PRX: variants seen among roughly 807,000 people sequenced by gnomAD.
PRX encodes the protein periaxin.
PRX carries 24 observed loss-of-function variants against 29.6 expected under a neutral mutation model. The ratio of observed to expected loss-of-function variants is 0.81; its 90% CI spans 0.59 to 1.14. The LOEUF (loss-of-function observed/expected upper bound fraction) is 1.14. Ranked by LOEUF, PRX falls within the 50% of genes most tolerant of loss-of-function variation. The pLI, the probability that PRX is intolerant of heterozygous loss-of-function variation, is 0.00. For synonymous variants in PRX, 772 were observed against 831.7 expected (o/e 0.93, Z 1.24); for missense variants, 1,838 against 1,926.4 (o/e 0.95, Z 0.86).
intron 1 of PRX, among the ~76,000 whole-genome samples, chr19:40,410,906 G>A (rs745988030): frequency 1.6e-4 from 24 of 152,116 alleles, no homozygotes; most frequent in Non-Finnish European, 1.5e-4. Context: ...AAGCTCCAGC[G>A]CTTTAGCTGG....
chr19:40,403,716 G>A lies in PRX; in HGVS notation c.174C>T (p.Ser58=). The change falls in exon 5 of 7, where the codon AGC becomes AGT. Residue 58 remains serine, a synonymous_variant. Coordinates refer to ENST00000324001, the MANE Select transcript of PRX (RefSeq NM_181882.3). ...REDSPAARSL[S]LQEGDQLLSA... ...CCCGGGCCCGCCCACCTTCCTGCAG[G>A]CTGAGGCTCCTGGCGGCGGGTGAGT... 6.4e-7 allele frequency: 1 copy of A among 1,559,206 alleles called. No homozygotes were observed. The highest frequency in any genetic ancestry group is 8.7e-7 in the Non-Finnish European group (1 of 1,152,480).
intron 5 of PRX, among the ~76,000 whole-genome samples, chr19:40,399,913 C>CTTTCTTTCTTTCT (rs1568712066): frequency 4.2e-4 from 48 of 115,074 alleles, no homozygotes; most frequent in East Asian, 1.9e-3. Flanking sequence ...CTTTTTCTTT[C>CTTTCTTTCTTTCT]TTTCTTTCTT....
rs781372987 is a variant in PRX at position 40,396,072 on chromosome 19, C to A, written c.2280G>T (p.Val760=). The change falls in exon 7 of 7, where the codon GTG becomes GTT. Residue 760 remains valine, a synonymous_variant. Coordinates refer to ENST00000324001, the MANE Select transcript of PRX (RefSeq NM_181882.3). ...GAAGATGCACGTCGGGAACCTTCGG[C>A]ACTTGCATTTCCGGCAGCCGAATCT... ...VSEIRLPEMQ[V]PKVPDVHLPK... 6 of 1,614,108 alleles carry A rather than the reference C, an allele frequency of 3.7e-6. No homozygotes were observed. In the East Asian group the frequency reaches 1.3e-4, roughly 36 times the overall value.
Position 40,395,438 on chromosome 19 carries a change from C to G in PRX, c.2914G>C (p.Gly972Arg). Reference protein sequence around the residue: ...FAISLPKARVGAEAEAKGAGE... With the variant: ...FAISLPKARVRAEAEAKGAGE... ...GCCCCTTTGGCCTCAGCCTCAGCCC[C>G]CACCCGAGCCTTGGGGAGTGAGATG... Residue 972 changes from glycine to arginine, a missense_variant, in exon 7 of 7, where the codon GGG becomes CGG. Transcript: ENST00000324001. 6.2e-7 allele frequency: 1 copy of G among 1,614,118 alleles called. No individual in the cohort carries two copies.
chr19:40,414,014 CTCTG>C (rs1489045405), upstream of PRX, among the ~76,000 whole-genome samples: 1 of 152,194 alleles, frequency 6.6e-6, no homozygotes, highest in Non-Finnish European at 1.5e-5. Flanking sequence ...ACCCCCAGTT[CTCTG>C]TCTAATGGAG....
At chr19:40,413,617 G>A (rs34366758), upstream of PRX, among the ~76,000 whole-genome samples, 5,650 of 152,210 alleles carry the variant, frequency 0.037, 239 homozygotes, top group African/African-American at 0.097. Context: ...GGATTTGCAC[G>A]TTGGCTTCCT....
intron 5 of PRX, among the ~76,000 whole-genome samples, chr19:40,399,105 C>T (rs1266802105): frequency 6.6e-6 from 1 of 152,036 alleles, no homozygotes; most frequent in Non-Finnish European, 1.5e-5. Flanking sequence ...ACCGAGAGAA[C>T]AGAATCAGAA....
chr19:40,411,293 C>A, intron 1 of PRX, among the ~76,000 whole-genome samples: 1 of 152,158 alleles, frequency 6.6e-6, no homozygotes, highest in South Asian at 2.1e-4. Flanking sequence ...ACATACTTGA[C>A]CTTGTGGGAC....
At chr19:40,407,389 A>G (rs1023827870) in intron 4 of PRX, 4 of 169,408 alleles carry the variant, frequency 2.4e-5, no homozygotes, top group Non-Finnish European at 5.1e-5. Context: ...TGCAACCTCA[A>G]CCTCCTGGGT....
intron 1 of PRX, among the ~76,000 whole-genome samples, chr19:40,412,644 C>A (rs143209183): frequency 6.6e-6 from 1 of 152,250 alleles, no homozygotes; most frequent in East Asian, 1.9e-4. Context: ...AGCCTCCCAA[C>A]AGGATCCATG....
Position 40,403,719 on chromosome 19 carries a change from G to T in PRX, c.171C>A (p.Leu57=). ...GGGCCCGCCCACCTTCCTGCAGGCT[G>T]AGGCTCCTGGCGGCGGGTGAGTCCT... ...LREDSPAARS[L]SLQEGDQLLS... is the part of the protein sequence containing the mutation. Residue 57 remains leucine, a synonymous_variant, in exon 5 of 7, where the codon CTC becomes CTA. Transcript: ENST00000324001. The T allele has an allele frequency of 6.4e-7, 1 of 1,560,746 alleles. No homozygotes were observed. The highest frequency in any genetic ancestry group is 2.4e-5 in the East Asian group (1 of 41,592).
In PRX at chr19:40,395,144, G is replaced by A. The variant is rs104894708; in HGVS notation, c.3208C>T (p.Arg1070Ter). Reference protein sequence around the residue: ...KLKMPSFGLARGKEAEVQGDR... With the variant: ...KLKMPSFGLA ...CCTTGAACTTCTGCTTCCTTCCCTC[G>A]AGCCAGCCCAAAGGAAGGCATCTTC... The change falls in exon 7 of 7, where the codon CGA becomes TGA. Residue 1070 changes from arginine to a stop codon, truncating the protein, a stop_gained. Coordinates refer to ENST00000324001, the MANE Select transcript of PRX (RefSeq NM_181882.3). LOFTEE classifies it low-confidence loss of function (END_TRUNC). 10 of 1,613,958 alleles carry A rather than the reference G, an allele frequency of 6.2e-6. No individual in the cohort carries two copies. In the East Asian group the frequency reaches 1.6e-4, roughly 25 times the overall value.
At chr19:40,399,348 C>A (rs1228194209) in intron 5 of PRX, among the ~76,000 whole-genome samples, 3 of 152,204 alleles carry the variant, frequency 2.0e-5, no homozygotes. Context: ...TTATTTCTCG[C>A]ATAAGAAAGG....
At chr19:40,402,115 G>A (rs2079498883) in intron 5 of PRX, among the ~76,000 whole-genome samples, 1 of 152,124 alleles carries the variant, frequency 6.6e-6, no homozygotes, top group Non-Finnish European at 1.5e-5. Context: ...CACTTTGGGA[G>A]GCCGAGGAGG....
intron 4 of PRX, 104 bp from the exon 5 acceptor site, chr19:40,403,966 TATATTTA>T: frequency 1.5e-6 from 2 of 1,326,340 alleles, no homozygotes; most frequent in Non-Finnish European, 2.1e-6. Flanking sequence ...TATGTTTATA[TATATTTA>T]GAGACGGGGG....
rs369372933 is a variant in PRX, at chr19:40,394,509, G to T, written c.3843C>A (p.Leu1281=). The T allele has an allele frequency of 8.7e-6, 14 of 1,600,386 alleles. No homozygotes were observed. In the East Asian group the frequency reaches 3.2e-4, roughly 36 times the overall value. ...TFCLSLPDVE[L]SPSGGNHAEY... is the part of the protein sequence containing the mutation. ...CGGCATGGTTGCCCCCGGATGGCGAGAGCTCCACGTCGGGCAGTGAGAGGC... is the reference window on the plus strand; with the variant it reads ...CGGCATGGTTGCCCCCGGATGGCGATAGCTCCACGTCGGGCAGTGAGAGGC... The change falls in exon 7 of 7, where the codon CTC becomes CTA. Residue 1281 remains leucine (L), a synonymous_variant. Coordinates refer to ENST00000324001, the MANE Select transcript of PRX (RefSeq NM_181882.3). This position sits in a 1 kb window ranked among gnomAD's most constrained non-coding sequence, Gnocchi z 5.8.
Position 40,398,859 on chromosome 19 carries a change from G to T in PRX, c.185-43C>A, listed in dbSNP as rs200297679. 3 of 1,613,080 alleles carry T rather than the reference G, an allele frequency of 1.9e-6. No homozygotes were observed. In the African/African-American group the frequency reaches 4.0e-5, roughly 22 times the overall value. On this transcript the variant is annotated intron_variant, in intron 5 of 6. Transcript: ENST00000324001. This position sits in a 1 kb window ranked among gnomAD's most constrained non-coding sequence, Gnocchi z 6.3. ...GTGCGCAGCACGTGGGCATCTCCCG[G>T]CTCCGCCCGGGCCTAGTTCTGCCCA...
At position 40,398,063 on chromosome 19, in the gene PRX, G is replaced by C. The variant is rs2079460397; in HGVS notation, c.382-93C>G. On this transcript the variant is annotated intron_variant, in intron 6 of 6. Coordinates refer to ENST00000324001, the MANE Select transcript of PRX (RefSeq NM_181882.3). The surrounding 1 kb of genome is among the most constrained non-coding windows in gnomAD (Gnocchi z 6.3). ...CCACCTGGTATTGGACCAGGCGGGG[G>C]ATGTGCTGGGTCAAGTATCTTGTTC... is the stretch of plus-strand genomic sequence containing the variant. The C allele has an allele frequency of 6.7e-7, 1 of 1,485,862 alleles. No individual in the cohort carries two copies. The highest frequency in any genetic ancestry group is 2.5e-5 in the East Asian group (1 of 40,754). The allele number at this position is 1,485,862 out of a possible 1,614,324, so 92.0% of individuals were successfully genotyped here.
rs1364023547 is a variant in PRX, at chr19:40,395,100, C to T, written c.3252G>A (p.Gly1084=). Reference sequence around the variant, plus strand: ...GCACAGCGGTGGACTCAGCCTTTTCCCCCGGGCTGGCACGATCACCTTGAA... The same window carrying T: ...GCACAGCGGTGGACTCAGCCTTTTCTCCCGGGCTGGCACGATCACCTTGAA... The part of the protein sequence containing the change: ...AEVQGDRASP[G]EKAESTAVQL... The change falls in exon 7 of 7, where the codon GGG becomes GGA. Residue 1084 remains glycine (G), a synonymous_variant. Transcript: ENST00000324001. The T allele has an allele frequency of 6.2e-6, 10 of 1,613,776 alleles. No individual in the cohort carries two copies. The Admixed American group carries it at 1.5e-4, about 24-fold the overall frequency.
Sources: allele counts gnomAD v4.1 joint callset (sites outside exome capture counted in the v4.1 genomes callset), GRCh38; gene constraint gnomAD v4.1.1; non-coding constraint Gnocchi (gnomAD v3.1); transcripts MANE v1.5; gene names NCBI Gene and HGNC (gene_info 2026-07-23, HGNC 2026-07-21).